The following TCAF2 variants were observed in gnomAD, a reference collection of about 807,000 sequenced individuals.
TCAF2 encodes TRPM8 channel associated factor 2.
In TCAF2, 6 loss-of-function variants were observed where a neutral mutation model predicts 33.9. The ratio of observed to expected loss-of-function variants is 0.18; its 90% CI spans 0.10 to 0.35. The LOEUF (loss-of-function observed/expected upper bound fraction) is 0.35, where lower values mean the gene tolerates loss of function less well. TCAF2 is among the 10% of genes least tolerant of loss of function. The pLI is 1.00. For synonymous variants in TCAF2, 41 were observed against 247.8 expected, an observed-to-expected ratio of 0.17 and a Z score of 7.84; for missense variants, 109 against 604.0, an observed-to-expected ratio of 0.18 and a Z score of 8.59.
At chr7:143,712,110 C>T (rs1430779487) in intron 2 of TCAF2, among the ~76,000 whole-genome samples, 1 of 44,612 alleles carries the variant, frequency 2.2e-5, no homozygotes, top group Non-Finnish European at 4.8e-5. Context: ...CCCAACTCTG[C>T]CTGCCAAGGA....
chr7:143,647,897 T>TTTCTTTCTTTCTTTC (rs764678570), intron 1 of TCAF2, among the ~76,000 whole-genome samples: 449 of 120,164 alleles, frequency 3.7e-3, no homozygotes, highest in Admixed American at 6.4e-3. Context: ...TCTTTCTTTC[T>TTTCTTTCTTTCTTTC]TTTCTTTCTT....
chr7:143,622,568 TTTTACTTTAC>T lies in TCAF2; in HGVS notation c.-12+1553_-12+1562del, dbSNP rs879324391. ...TAGACATATTCTTTGCTTTATTTTA[TTTTACTTTAC>T]TTTATTTTATTTTATTTTATTTTAT... On this transcript the variant is annotated intron_variant, in intron 1 of 7. Coordinates refer to ENST00000684770, the MANE Select transcript of TCAF2 (RefSeq NM_001363538.2). Among the ~76,000 whole-genome samples, 296 of 36,022 alleles carry T rather than the reference TTTTACTTTAC, an allele frequency of 8.2e-3. 3 individuals are homozygous for T. Among genetic ancestry groups the T allele is most frequent in the African/African-American group, 0.019 (260 of 13,632 alleles). 23.6% of individuals were successfully genotyped at this position (36,022 alleles called of 152,430 possible).
In TCAF2 at chr7:143,720,841, C is replaced by T. The variant is rs142998125; in HGVS notation, c.1615+167C>T. 4.7e-4 allele frequency: 426 copies of T among 907,556 alleles called. 87 individuals are homozygous for T. The African/African-American group carries it at 6.4e-3, about 14-fold the overall frequency. The allele number at this position is 907,556 out of a possible 1,614,324, so 56.2% of individuals were successfully genotyped here. On this transcript the variant is annotated intron_variant, in intron 3 of 7. Coordinates refer to ENST00000684770, the MANE Select transcript of TCAF2 (RefSeq NM_001363538.2). ...TGTCATCCAGGTTGGAATGCAGTGG[C>T]GCGATCTCAGCTCATGCAACCTCCA...
At chr7:143,640,389 G>GAGCA (rs1411242411) in intron 1 of TCAF2, among the ~76,000 whole-genome samples, 1 of 4,032 alleles carries the variant, frequency 2.5e-4, no homozygotes, top group African/African-American at 5.9e-4. Flanking sequence ...TTTTTTAATA[G>GAGCA]CCATCTTGGA....
At chr7:143,647,982 A>G (rs561454687) in intron 1 of TCAF2, among the ~76,000 whole-genome samples, 1 of 120,456 alleles carries the variant, frequency 8.3e-6, no homozygotes, top group Admixed American at 9.5e-5. Context: ...GCAGTGGCAC[A>G]ATCTCGGCTC....
At position 143,729,419 on chromosome 7, in the gene TCAF2, G is replaced by T. The variant is rs563839937; in HGVS notation, c.*1752G>T. ...AATAGATGAAAATATGTTCAACCAG[G>T]TCTGGATTTTTCCAATGTTTACTAC... is the stretch of plus-strand genomic sequence containing the variant. On this transcript the variant is annotated 3_prime_UTR_variant, in exon 8 of 8. Coordinates refer to ENST00000684770, the MANE Select transcript of TCAF2 (RefSeq NM_001363538.2). 6.6e-6 allele frequency: 1 copy of T among 152,086 alleles called. No individual in the cohort carries two copies. Among genetic ancestry groups the T allele is most frequent in the East Asian group, 1.9e-4 (1 of 5,198 alleles). 9.4% of individuals were successfully genotyped at this position (152,086 alleles called of 1,614,324 possible).
At chr7:143,724,737 C>T (rs1173441230) in intron 7 of TCAF2, 40 bp downstream of exon 7, 3 of 1,546,308 alleles carry the variant, frequency 1.9e-6, no homozygotes, top group Non-Finnish European at 2.6e-6. Context: ...ATGACCAGAC[C>T]CCTCAGTCAT....
chr7:143,724,537 G>T lies in TCAF2; in HGVS notation c.2345G>T (p.Trp782Leu), dbSNP rs1423167793. The T allele has an allele frequency of 3.7e-6, 6 of 1,610,628 alleles. No individual in the cohort carries two copies. The highest frequency in any genetic ancestry group is 8.5e-7 in the Non-Finnish European group (1 of 1,179,404). The stretch of plus-strand genomic sequence containing the variant: ...ACTACTGAGGCCACCTGTAACCTTT[G>T]GTCAGTCTACGTGCATGAAACAGTC... Reference protein sequence around the residue: ...PHTTEATCNLWSVYVHETVLG... With the variant: ...PHTTEATCNLLSVYVHETVLG... The change falls in exon 7 of 8, where the codon TGG (tryptophan) becomes TTG (leucine). Residue 782 changes from tryptophan (W) to leucine (L), a missense_variant. Coordinates refer to ENST00000684770, the MANE Select transcript of TCAF2 (RefSeq NM_001363538.2).
intron 2 of TCAF2, among the ~76,000 whole-genome samples, chr7:143,714,001 G>C (rs2368001): frequency 0.12 from 1,808 of 14,686 alleles, 389 homozygotes; most frequent in Admixed American, 0.34. Context: ...AAAAAAAATA[G>C]ATTTACAATT....
chr7:143,710,253 CAATATTT>C (rs1356183624), intron 2 of TCAF2, among the ~76,000 whole-genome samples: 1 of 15,236 alleles, frequency 6.6e-5, no homozygotes, highest in African/African-American at 1.4e-4. Context: ...TATTTTTTAG[CAATATTT>C]TCACTGTTAA....
intron 1 of TCAF2, chr7:143,624,118 G>T (rs1424201209): frequency 2.3e-6 from 1 of 439,036 alleles, no homozygotes; most frequent in African/African-American, 2.7e-5. Context: ...TGAGGCACAG[G>T]TCAAGCCAGA....
chr7:143,719,407 AAAAAGAAAGAAAGAAAG>A (rs1809438375), intron 2 of TCAF2, among the ~76,000 whole-genome samples: 2 of 86,152 alleles, frequency 2.3e-5, no homozygotes, highest in African/African-American at 8.1e-5. Flanking sequence ...TCTCAAATAA[AAAAAGAAAGAAAGAAAG>A]AAAAGAAAGA....
In TCAF2 at chr7:143,725,364, C is replaced by T. The variant is rs1389209402; in HGVS notation, c.2505+667C>T. 9.2e-5 allele frequency among the ~76,000 whole-genome samples: 14 copies of T among 152,018 alleles called. No individual in the cohort carries two copies. In the East Asian group the frequency reaches 1.7e-3, roughly 19 times the overall value. On this transcript the variant is annotated intron_variant, in intron 7 of 7. Coordinates refer to ENST00000684770, the MANE Select transcript of TCAF2 (RefSeq NM_001363538.2). Reference sequence around the variant, plus strand: ...CCTCCCCTAGCCCTGCATTGAATGTCGATGTTTTCGAGTTGTCAATGTTGT... The same window carrying T: ...CCTCCCCTAGCCCTGCATTGAATGTTGATGTTTTCGAGTTGTCAATGTTGT...
rs1809734876 is a variant in TCAF2, at chr7:143,728,471, G to A, written c.*804G>A. On this transcript the variant is annotated 3_prime_UTR_variant, in exon 8 of 8. Coordinates refer to ENST00000684770, the MANE Select transcript of TCAF2 (RefSeq NM_001363538.2). ...AAGAAAAGTGGCATGTGCTGAAACTGAGTGTCACAGAGCTGTGAGGTTGGG... is the reference window on the plus strand; with the variant it reads ...AAGAAAAGTGGCATGTGCTGAAACTAAGTGTCACAGAGCTGTGAGGTTGGG... 6.6e-6 allele frequency: 1 copy of A among 152,248 alleles called. No individual in the cohort carries two copies. Among genetic ancestry groups the A allele is most frequent in the Admixed American group, 6.5e-5 (1 of 15,290 alleles). The allele number at this position is 152,248 out of a possible 1,614,324, so 9.4% of individuals were successfully genotyped here. A position where few individuals can be genotyped will look rare whatever the true frequency, so the allele number is the denominator to read the frequency against.
rs1809752218 is a variant in TCAF2, at chr7:143,729,057, C to G, written c.*1390C>G. 1 of 152,142 alleles carries G rather than the reference C, an allele frequency of 6.6e-6. No individual in the cohort carries two copies. The highest frequency in any genetic ancestry group is 1.5e-5 in the Non-Finnish European group (1 of 68,032). The allele number at this position is 152,142 out of a possible 1,614,324, so 9.4% of individuals were successfully genotyped here. The stretch of plus-strand genomic sequence containing the variant: ...TCTCTAGTACCCTTTGCCAGGGGCT[C>G]TACACATCAAAGGTGTTCATGAAGT... On this transcript the variant is annotated 3_prime_UTR_variant, in exon 8 of 8. Transcript: ENST00000684770.
At chr7:143,647,782 A>G in intron 1 of TCAF2, 1 of 405,978 alleles carries the variant, frequency 2.5e-6, no homozygotes, top group Non-Finnish European at 4.4e-6. Flanking sequence ...TACTAATATT[A>G]GGATTTTAGC....
At chr7:143,702,019 G>C (rs1238664354) in intron 1 of TCAF2, among the ~76,000 whole-genome samples, 1 of 27,422 alleles carries the variant, frequency 3.6e-5, no homozygotes, top group East Asian at 7.2e-4. Flanking sequence ...GACAGGTTTC[G>C]CCATGTTGGC....
In TCAF2 at chr7:143,647,838, ACT is replaced by A. The variant is rs1302588696; in HGVS notation, c.-12+26819_-12+26820del. Among the ~76,000 whole-genome samples the A allele has an allele frequency of 2.8e-5, 4 of 142,004 alleles. No homozygotes were observed. The South Asian group carries it at 6.8e-4, about 24-fold the overall frequency. 93.2% of individuals were successfully genotyped at this position (142,004 alleles called of 152,430 possible). On this transcript the variant is annotated intron_variant, in intron 1 of 7. Transcript: ENST00000684770. ...TATCATATTTAAGGCATATTTTTTC[ACT>A]GTTTTTACAACTGATGGCATATTAT...
At chr7:143,647,897 T>TTTCTTTCTTTCTTTCTTTCTTTCTTTC (rs764678570) in intron 1 of TCAF2, among the ~76,000 whole-genome samples, 91 of 122,714 alleles carry the variant, frequency 7.4e-4, no homozygotes, top group East Asian at 2.5e-3. Context: ...TCTTTCTTTC[T>TTTCTTTCTTTCTTTCTTTCTTTCTTTC]TTTCTTTCTT....
Sources: allele counts gnomAD v4.1 joint callset (sites outside exome capture counted in the v4.1 genomes callset), GRCh38; gene constraint gnomAD v4.1.1; transcripts MANE v1.5; gene names NCBI Gene and HGNC (gene_info 2026-07-23, HGNC 2026-07-21).